The following ANGPT2 variants were observed in gnomAD, a reference collection of about 807,000 sequenced individuals.
ANGPT2 encodes angiopoietin-2.
ANGPT2 carries 28 observed loss-of-function variants against 62.9 expected under a neutral mutation model. That is an observed-to-expected ratio of 0.44 (90% CI 0.33 to 0.61). The LOEUF is 0.61. ANGPT2 is among the 20% of genes least tolerant of loss of function. The probability of loss-of-function intolerance (pLI) is 0.03; values close to 1 mark genes in which losing one functional copy is unlikely to be tolerated. For missense variants in ANGPT2, 727 were observed against 594.9 expected (o/e 1.22, Z -2.31); for synonymous variants, 284 against 207.8 (o/e 1.37, Z -3.15).
At chr8:6,543,096 C>T (rs561428422) in intron 1 of ANGPT2, among the ~76,000 whole-genome samples, 1 of 151,952 alleles carries the variant, frequency 6.6e-6, no homozygotes, top group South Asian at 2.1e-4. Flanking sequence ...GACAGAAACC[C>T]CCGCAACTCC....
At chr8:6,557,330 T>A (rs779529904) in intron 1 of ANGPT2, among the ~76,000 whole-genome samples, 25 of 152,130 alleles carry the variant, frequency 1.6e-4, no homozygotes, top group Non-Finnish European at 3.1e-4. Flanking sequence ...ATACCTACCA[T>A]ACTTGTGTAC....
intron 5 of ANGPT2, among the ~76,000 whole-genome samples, chr8:6,517,422 A>T (rs1006009444): frequency 6.6e-6 from 1 of 152,258 alleles, no homozygotes; most frequent in African/African-American, 2.4e-5. Flanking sequence ...ATGACCATAC[A>T]TGCTTTTGAT....
At chr8:6,532,149 C>G (rs1035105608) in intron 2 of ANGPT2, among the ~76,000 whole-genome samples, 183 bp downstream of exon 2, 7 of 152,106 alleles carry the variant, frequency 4.6e-5, no homozygotes, top group African/African-American at 1.4e-4. Flanking sequence ...AAAACAAAAA[C>G]AGATTTACTG....
rs150580012 is a variant in ANGPT2, at chr8:6,517,641, A to G, written c.927+2223T>C. On this transcript the variant is annotated intron_variant, in intron 5 of 8. Transcript: ENST00000629816. ...TTTGAAGGCAGTGAAAATGGTGACCACTACCATTTACTGTCCCAAGTTCTA... is the reference window on the plus strand; with the variant it reads ...TTTGAAGGCAGTGAAAATGGTGACCGCTACCATTTACTGTCCCAAGTTCTA... Among the ~76,000 whole-genome samples the G allele has an allele frequency of 3.0e-3, 460 of 152,336 alleles. 6 individuals carry two copies. The highest frequency in any genetic ancestry group is 0.01 in the African/African-American group (430 of 41,582).
chr8:6,500,146 C>G lies in ANGPT2; in HGVS notation c.*2955G>C, dbSNP rs903047371. 12 of 543,860 alleles carry G rather than the reference C, an allele frequency of 2.2e-5. No individual in the cohort carries two copies. The highest frequency in any genetic ancestry group is 1.5e-4 in the Admixed American group (5 of 32,352). 33.7% of individuals were successfully genotyped at this position (543,860 alleles called of 1,614,324 possible). A position where few individuals can be genotyped will look rare whatever the true frequency, so the allele number is the denominator to read the frequency against. Reference sequence around the variant, plus strand: ...TGCAAAAAGTAGTGAGGAATGCAGTCCAAAGAAAATTTGACGATTAACATC... The same window carrying G: ...TGCAAAAAGTAGTGAGGAATGCAGTGCAAAGAAAATTTGACGATTAACATC... On this transcript the variant is annotated 3_prime_UTR_variant, in exon 9 of 9. Transcript: ENST00000629816.
In ANGPT2 at chr8:6,499,777, T is replaced by A. The variant is rs546911953; in HGVS notation, c.*3324A>T. On this transcript the variant is annotated 3_prime_UTR_variant, in exon 9 of 9. Coordinates refer to ENST00000629816, the MANE Select transcript of ANGPT2 (RefSeq NM_001118887.2). ...GAGTGTATCACTTTTTGCTGTGTCT[T>A]CAAAGTGATTCTTGGTTTATTGCCT... The A allele has an allele frequency of 2.4e-4, 323 of 1,354,320 alleles. 1 individual carries two copies. The African/African-American group carries it at 3.1e-3, about 13-fold the overall frequency. The allele number at this position is 1,354,320 out of a possible 1,614,324, so 83.9% of individuals were successfully genotyped here. A position where few individuals can be genotyped will look rare whatever the true frequency, so the allele number is the denominator to read the frequency against.
chr8:6,503,209 T>C lies in ANGPT2; in HGVS notation c.1380A>G (p.Pro460=). The C allele has an allele frequency of 1.2e-6, 2 of 1,614,198 alleles. No homozygotes were observed. Among genetic ancestry groups the C allele is most frequent in the Non-Finnish European group, 1.7e-6 (2 of 1,180,038 alleles). ...TGAACTTATTTGTGTTCTGCCTCTG[T>C]GGATAGTACATTCCGTTCAAGTTGG... The part of the protein sequence containing the change: ...GPSNLNGMYY[P]QRQNTNKFNG... Residue 460 remains proline (P), a synonymous_variant, in exon 9 of 9, where the codon CCA becomes CCG. Transcript: ENST00000629816.
chr8:6,512,409 C>T (rs3020213), intron 7 of ANGPT2, among the ~76,000 whole-genome samples: 55,814 of 151,940 alleles, frequency 0.37, 10,482 homozygotes, highest in Middle Eastern at 0.48. Context: ...GAGATGAAGA[C>T]GAGACTGTAG....
Position 6,562,757 on chromosome 8 carries a change from A to G in ANGPT2, c.178T>C (p.Tyr60His). ...TCCCTCTGCACAGCATTGGACACGT[A>G]GGGGCTGGAGGAAGAGCGGCAGTTG... ...MDNCRSSSSP[Y>H]VSNAVQRDAP... Residue 60 changes from tyrosine to histidine, a missense_variant, in exon 1 of 9, where the codon TAC becomes CAC. Transcript: ENST00000629816. 6.2e-7 allele frequency: 1 copy of G among 1,613,836 alleles called. No homozygotes were observed. The highest frequency in any genetic ancestry group is 1.1e-5 in the South Asian group (1 of 91,062).
At chr8:6,549,717 C>T (rs140343069) in intron 1 of ANGPT2, among the ~76,000 whole-genome samples, 1 of 151,100 alleles carries the variant, frequency 6.6e-6, no homozygotes, top group Non-Finnish European at 1.5e-5. Context: ...CACAGGTGCG[C>T]ACAGATATGG....
At chr8:6,541,437 G>C (rs535126966) in intron 1 of ANGPT2, among the ~76,000 whole-genome samples, 3 of 152,152 alleles carry the variant, frequency 2.0e-5, no homozygotes, top group African/African-American at 7.2e-5. Context: ...AGTGCTCTGA[G>C]AAAGACAATA....
rs1811915293 is a variant in ANGPT2, at chr8:6,500,357, A to G, written c.*2744T>C. The G allele has an allele frequency of 6.1e-6, 1 of 162,752 alleles. No individual in the cohort carries two copies. The highest frequency in any genetic ancestry group is 1.3e-5 in the Non-Finnish European group (1 of 74,198). The allele number at this position is 162,752 out of a possible 1,614,324, so 10.1% of individuals were successfully genotyped here. ...TCCTAAATTCCACTTCAACTTTCAA[A>G]TGCTTCATTGAAAAGTTCTGGGTTC... On this transcript the variant is annotated 3_prime_UTR_variant, in exon 9 of 9. Transcript: ENST00000629816.
At chr8:6,539,267 T>C (rs1053760052) in intron 1 of ANGPT2, among the ~76,000 whole-genome samples, 2 of 152,210 alleles carry the variant, frequency 1.3e-5, no homozygotes, top group African/African-American at 4.8e-5. Flanking sequence ...TCTCCATATA[T>C]TGATGCCAGA....
rs1563307016 is a variant in ANGPT2 at position 6,505,423 on chromosome 8, AAAGAATATATATATTC to A, written c.1328-2178_1328-2163del. On this transcript the variant is annotated intron_variant, in intron 8 of 8. Coordinates refer to ENST00000629816, the MANE Select transcript of ANGPT2 (RefSeq NM_001118887.2). ...GAATATATATATTCTTTATATACAT[AAAGAATATATATATTC>A]TTTATATACATATAGAATATATATA... Among the ~76,000 whole-genome samples, 58 of 82,976 alleles carry A rather than the reference AAAGAATATATATATTC, an allele frequency of 7.0e-4. 4 individuals are homozygous for A. Among genetic ancestry groups the A allele is most frequent in the African/African-American group, 2.6e-3 (58 of 21,972 alleles). 54.4% of individuals were successfully genotyped at this position (82,976 alleles called of 152,430 possible).
At chr8:6,531,951 C>T (rs1200142076) in intron 2 of ANGPT2, among the ~76,000 whole-genome samples, 1 of 152,162 alleles carries the variant, frequency 6.6e-6, no homozygotes, top group Non-Finnish European at 1.5e-5. Context: ...TAGCTCTTTG[C>T]CTCAGTGCTT....
chr8:6,514,151 A>C (rs1051426012), intron 6 of ANGPT2, among the ~76,000 whole-genome samples: 2 of 152,204 alleles, frequency 1.3e-5, no homozygotes, highest in African/African-American at 2.4e-5. Flanking sequence ...CAGTCGGCTT[A>C]CCAAAAAAAT....
chr8:6,515,528 A>C (rs1816089678), intron 5 of ANGPT2, among the ~76,000 whole-genome samples: 1 of 152,330 alleles, frequency 6.6e-6, no homozygotes, highest in South Asian at 2.1e-4. Flanking sequence ...TGTGGGTTTA[A>C]ACTTTGTCCA....
chr8:6,542,007 CAAAAAAA>C (rs764731302), intron 1 of ANGPT2, among the ~76,000 whole-genome samples: 5 of 57,238 alleles, frequency 8.7e-5, no homozygotes, highest in Non-Finnish European at 1.9e-4. Flanking sequence ...GACTCAATCT[CAAAAAAA>C]AAAAAAAAAA....
intron 2 of ANGPT2, 80 bp from the exon 3 acceptor site, chr8:6,527,756 C>G: frequency 7.8e-7 from 1 of 1,279,466 alleles, no homozygotes; most frequent in South Asian, 1.4e-5. Context: ...TTAAAGTACC[C>G]AAGCTACAGG....
Sources: gnomAD v4.1 joint callset for allele counts (sites outside exome capture counted in the v4.1 genomes callset) on GRCh38, gnomAD v4.1.1 for gene constraint, MANE v1.5 for transcripts, NCBI Gene and HGNC (gene_info 2026-07-23, HGNC 2026-07-21) for gene names.